Variants in INTS9 observed in about 807,000 individuals in gnomAD.
The protein encoded by INTS9 is protein related to CPSF subunits of 74 kDa.
A neutral mutation model predicts 79.7 loss-of-function variants in INTS9; 55 were observed. The ratio of observed to expected loss-of-function variants is 0.69; its 90% CI spans 0.56 to 0.86. The LOEUF (loss-of-function observed/expected upper bound fraction) is 0.86, where lower values mean the gene tolerates loss of function less well. Among genes scored for constraint, INTS9 ranks in the 40% least tolerant of loss-of-function variants. The pLI is 0.00. For synonymous variants in INTS9, 319 were observed against 325.2 expected (o/e 0.98, Z 0.20); for missense variants, 721 against 831.5 (o/e 0.87, Z 1.64).
chr8:28,773,854 G>C (rs1037897136), intron 14 of INTS9, among the ~76,000 whole-genome samples: 1 of 152,028 alleles, frequency 6.6e-6, no homozygotes, highest in Non-Finnish European at 1.5e-5. Context: ...ACAGAGTCTC[G>C]CTCTGTCATC....
chr8:28,779,105 C>G (rs1297214267), intron 12 of INTS9, among the ~76,000 whole-genome samples: 2 of 151,768 alleles, frequency 1.3e-5, no homozygotes, highest in East Asian at 3.9e-4. Context: ...ATGCTGTCAC[C>G]ACTGTCATGT....
chr8:28,822,945 G>A (rs1424697112), intron 6 of INTS9, among the ~76,000 whole-genome samples: 1 of 151,994 alleles, frequency 6.6e-6, no homozygotes, highest in African/African-American at 2.4e-5. Context: ...GATGTGGCCT[G>A]AAAAATGAAG....
At chr8:28,849,311 A>G (rs1807696742) in intron 3 of INTS9, among the ~76,000 whole-genome samples, 1 of 152,138 alleles carries the variant, frequency 6.6e-6, no homozygotes, top group African/African-American at 2.4e-5. Flanking sequence ...TGGTAGCTTT[A>G]GTCTTTCATT....
At chr8:28,770,093 A>ACTGAGAGC in intron 15 of INTS9, 67 bp from the exon 16 acceptor site, 14 of 1,569,680 alleles carry the variant, frequency 8.9e-6, no homozygotes, top group Non-Finnish European at 1.2e-5. Flanking sequence ...CGCAGGCCAC[A>ACTGAGAGC]CTGAGAGCCT....
chr8:28,813,131 T>C (rs1805252354), intron 7 of INTS9, among the ~76,000 whole-genome samples: 1 of 152,166 alleles, frequency 6.6e-6, no homozygotes. Flanking sequence ...GGGCACAGGA[T>C]GACAGTAAGA....
intron 9 of INTS9, 78 bp downstream of exon 9, chr8:28,796,466 T>C (rs998083537): frequency 3.7e-6 from 3 of 808,090 alleles, no homozygotes; most frequent in Non-Finnish European, 4.1e-6. Context: ...TCCCCCATTA[T>C]TGTAAAATAT....
chr8:28,811,020 C>G (rs1805083200), intron 8 of INTS9, among the ~76,000 whole-genome samples: 1 of 152,208 alleles, frequency 6.6e-6, no homozygotes, highest in East Asian at 1.9e-4. Flanking sequence ...TTCAAACATG[C>G]CCAGCTTATT....
chr8:28,775,286 CAAG>C (rs529420978), intron 14 of INTS9, among the ~76,000 whole-genome samples: 2 of 152,272 alleles, frequency 1.3e-5, no homozygotes, highest in South Asian at 4.1e-4. Context: ...AGTTGAAAAA[CAAG>C]AAGGCCCTGA....
At chr8:28,859,206 AG>A (rs958751865) in intron 2 of INTS9, among the ~76,000 whole-genome samples, 1 of 152,224 alleles carries the variant, frequency 6.6e-6, no homozygotes, top group Admixed American at 6.5e-5. Context: ...GAGCAGTTGC[AG>A]GAACATTTTA....
chr8:28,779,975 C>T (rs1803145829), intron 12 of INTS9, among the ~76,000 whole-genome samples: 1 of 152,056 alleles, frequency 6.6e-6, no homozygotes, highest in African/African-American at 2.4e-5. Flanking sequence ...ACTGACAGTC[C>T]CATTTACTGT....
chr8:28,889,753 C>G, intron 1 of INTS9, 121 bp downstream of exon 1: 1 of 1,135,728 alleles, frequency 8.8e-7, no homozygotes, highest in African/African-American at 1.6e-5. Context: ...GCCCACTCCA[C>G]TTTCCAGCTC....
At chr8:28,868,624 T>C (rs550447862) in intron 1 of INTS9, among the ~76,000 whole-genome samples, 22 of 152,332 alleles carry the variant, frequency 1.4e-4, no homozygotes, top group African/African-American at 5.3e-4. Flanking sequence ...CCTGAATGAA[T>C]CCCTAAATTC....
Position 28,871,474 on chromosome 8 carries a change from G to A in INTS9, c.10-11911C>T, listed in dbSNP as rs114675529. On this transcript the variant is annotated intron_variant, in intron 1 of 16. Coordinates refer to ENST00000521022, the MANE Select transcript of INTS9 (RefSeq NM_018250.4). ...GGCTGCAGTGCAGTGATATGATTAC[G>A]GCTCACCGCAGCCTCAACCTTCTGG... is the stretch of plus-strand genomic sequence containing the variant. Among the ~76,000 whole-genome samples the A allele has an allele frequency of 3.3e-3, 501 of 151,850 alleles. 1 individual carries two copies. Among genetic ancestry groups the A allele is most frequent in the African/African-American group, 0.011 (467 of 41,388 alleles).
In INTS9 at chr8:28,787,599, C is replaced by T. The variant is rs192847180; in HGVS notation, c.1098+230G>A. Among the ~76,000 whole-genome samples the T allele has an allele frequency of 2.5e-4, 38 of 152,302 alleles. No homozygotes were observed. The East Asian group carries it at 3.9e-3, about 15-fold the overall frequency. The stretch of plus-strand genomic sequence containing the variant: ...GAATCCCAAGTCTGAAACAATTCTG[C>T]GGTCCACAACATTTTGGAGAAGGGC... On this transcript the variant is annotated intron_variant, in intron 11 of 16. Transcript: ENST00000521022.
At chr8:28,866,598 T>C (rs1808758721) in intron 1 of INTS9, among the ~76,000 whole-genome samples, 2 of 152,170 alleles carry the variant, frequency 1.3e-5, no homozygotes, top group African/African-American at 2.4e-5. Context: ...TGGTTATCAA[T>C]CTTGAAATAC....
intron 10 of INTS9, among the ~76,000 whole-genome samples, chr8:28,793,471 G>A (rs1336866808): frequency 6.6e-6 from 1 of 152,086 alleles, no homozygotes; most frequent in Non-Finnish European, 1.5e-5. Context: ...ATGAGATTGG[G>A]CTTGAAAATT....
chr8:28,786,583 G>A lies in INTS9; in HGVS notation c.1098+1246C>T, dbSNP rs538520338. Among the ~76,000 whole-genome samples the A allele has an allele frequency of 2.6e-4, 39 of 152,246 alleles. No homozygotes were observed. In the South Asian group the frequency reaches 8.1e-3, roughly 32 times the overall value. On this transcript the variant is annotated intron_variant, in intron 11 of 16. Transcript: ENST00000521022. ...GTTGGGATTATAGGTGTGAGCCACC[G>A]CACCTGACCAAATTCTAGATTTGTG...
At chr8:28,782,573 G>A (rs1174770990) in intron 11 of INTS9, among the ~76,000 whole-genome samples, 1 of 152,182 alleles carries the variant, frequency 6.6e-6, no homozygotes, top group South Asian at 2.1e-4. Flanking sequence ...GCACGACAAA[G>A]ATCAAATTGG....
intron 10 of INTS9, among the ~76,000 whole-genome samples, chr8:28,789,531 ATG>A (rs1803807072): frequency 1.4e-5 from 2 of 147,364 alleles, no homozygotes; most frequent in African/African-American, 4.9e-5. Flanking sequence ...CTAATTGGGA[ATG>A]TGACAGACCC....
Sources: gnomAD v4.1 joint callset for allele counts (sites outside exome capture counted in the v4.1 genomes callset) on GRCh38, gnomAD v4.1.1 for gene constraint, MANE v1.5 for transcripts, NCBI Gene and HGNC (gene_info 2026-07-23, HGNC 2026-07-21) for gene names.